The following BICRAL variants were observed in gnomAD, a reference collection of about 807,000 sequenced individuals.
BICRAL encodes the protein BRD4-interacting chromatin-remodeling complex-associated protein-like.
Under a neutral mutation model 91.8 loss-of-function variants are expected in BICRAL, and 8 were observed. The observed-to-expected ratio is 0.09, with a 90% CI of 0.05 to 0.16. The LOEUF (loss-of-function observed/expected upper bound fraction) is 0.16. Ranked by LOEUF, BICRAL falls within the 10% of genes least tolerant of loss-of-function variation. BICRAL has a pLI of 1.00. For missense variants in BICRAL, 1,038 were observed against 1,310.9 expected, an observed-to-expected ratio of 0.79 and a Z score of 3.21; for synonymous variants, 445 against 491.1, an observed-to-expected ratio of 0.91 and a Z score of 1.24.
At position 42,750,011 on chromosome 6, in the gene BICRAL, C is replaced by T. The variant is rs142834444; in HGVS notation, c.-261+2988C>T. On this transcript the variant is annotated intron_variant, in intron 1 of 14. Transcript: ENST00000614467. The stretch of plus-strand genomic sequence containing the variant: ...CTAGGATTACAGGTGCCCACCACCA[C>T]GCCCGGCTAATTTTTTTTAATATAT... Among the ~76,000 whole-genome samples, 3 of 151,924 alleles carry T rather than the reference C, an allele frequency of 2.0e-5. No homozygotes were observed. The East Asian group carries it at 5.8e-4, about 29-fold the overall frequency.
chr6:42,747,381 A>G (rs1562444251), intron 1 of BICRAL, among the ~76,000 whole-genome samples: 1 of 152,178 alleles, frequency 6.6e-6, no homozygotes, highest in African/African-American at 2.4e-5. Context: ...CCATCGTTTA[A>G]ATTGGGGTAT....
rs143471679 is a variant in BICRAL at position 42,751,941 on chromosome 6, G to A, written c.-261+4918G>A. ...CAAAGTGCTGGGATTACAGGCATGA[G>A]TCACCGCGCCCGGCCAAGCCCCTTT... On this transcript the variant is annotated intron_variant, in intron 1 of 14. Coordinates refer to the BICRAL transcript ENST00000614467. Among the ~76,000 whole-genome samples the A allele has an allele frequency of 8.8e-3, 1,333 of 151,612 alleles. 8 individuals carry two copies. Among genetic ancestry groups the A allele is most frequent in the Middle Eastern group, 0.017 (5 of 294 alleles).
At position 42,859,004 on chromosome 6, in the gene BICRAL, G is replaced by A. The variant is rs553388177; in HGVS notation, c.2255-1258G>A. Reference sequence around the variant, plus strand: ...TACAAGTCTTACTCCTCCTGGCAGGGACCTCTAATCTCAGGGCACAGTGGT... The same window carrying A: ...TACAAGTCTTACTCCTCCTGGCAGGAACCTCTAATCTCAGGGCACAGTGGT... On this transcript the variant is annotated intron_variant, in intron 10 of 12. Coordinates refer to ENST00000314073, the MANE Select transcript of BICRAL (RefSeq NM_001393499.1). Among the ~76,000 whole-genome samples the A allele has an allele frequency of 5.3e-5, 8 of 151,996 alleles. No homozygotes were observed. In the East Asian group the frequency reaches 1.6e-3, roughly 30 times the overall value.
intron 1 of BICRAL, among the ~76,000 whole-genome samples, chr6:42,784,843 A>G (rs1322181528): frequency 6.6e-6 from 1 of 152,032 alleles, no homozygotes; most frequent in African/African-American, 2.4e-5. Context: ...AGGCACTCCA[A>G]CTTCTTGATG....
At chr6:42,796,372 T>C (rs532445447) in intron 1 of BICRAL, among the ~76,000 whole-genome samples, 3 of 152,244 alleles carry the variant, frequency 2.0e-5, no homozygotes, top group African/African-American at 4.8e-5. Context: ...GCCTAAGATA[T>C]GAGCATGCAT....
chr6:42,821,365 T>C (rs1307421559), intron 2 of BICRAL, among the ~76,000 whole-genome samples: 1 of 152,024 alleles, frequency 6.6e-6, no homozygotes, highest in African/African-American at 2.4e-5. Flanking sequence ...GGTGAACTTT[T>C]TTGGTTGAGA....
chr6:42,829,083 T>C lies in BICRAL; in HGVS notation c.750T>C (p.Ser250=). The C allele has an allele frequency of 6.2e-7, 1 of 1,614,172 alleles. No individual in the cohort carries two copies. Residue 250 remains serine (S), a synonymous_variant, in exon 6 of 13, where the codon AGT becomes AGC. Transcript: ENST00000314073. ...GGCAGCAAGCCCCATCAAATGTGAG[T>C]GGAGGGCTCCTGGTTCATAGACAGA... ...GSGQQAPSNV[S]GGLLVHRQTP...
intron 1 of BICRAL, among the ~76,000 whole-genome samples, chr6:42,757,145 T>G (rs1762474463): frequency 6.6e-6 from 1 of 152,034 alleles, no homozygotes; most frequent in African/African-American, 2.4e-5. Flanking sequence ...AGAAATGGAC[T>G]GCTTTTTTTG....
chr6:42,769,767 T>C (rs1562452787), intron 1 of BICRAL, among the ~76,000 whole-genome samples: 1 of 152,214 alleles, frequency 6.6e-6, no homozygotes, highest in Admixed American at 6.5e-5. Flanking sequence ...CCTGTTTGTC[T>C]AGAATTTTTT....
chr6:42,832,746 A>C (rs572197570), intron 6 of BICRAL, among the ~76,000 whole-genome samples: 65 of 151,860 alleles, frequency 4.3e-4, no homozygotes, highest in East Asian at 3.7e-3. Flanking sequence ...CACACACACA[A>C]ACATACACAC....
chr6:42,747,178 G>C (rs1441331018), intron 1 of BICRAL, among the ~76,000 whole-genome samples: 1 of 152,206 alleles, frequency 6.6e-6, no homozygotes, highest in Non-Finnish European at 1.5e-5. Context: ...CGAGGTGTGG[G>C]TGGGCAGCCA....
intron 6 of BICRAL, among the ~76,000 whole-genome samples, chr6:42,846,323 G>A (rs1337747104): frequency 2.6e-5 from 4 of 151,918 alleles, no homozygotes; most frequent in Non-Finnish European, 5.9e-5. Flanking sequence ...AGCTGAGATC[G>A]CGCCATTGCA....
chr6:42,760,930 G>A (rs991314735), intron 1 of BICRAL, among the ~76,000 whole-genome samples: 2 of 151,718 alleles, frequency 1.3e-5, no homozygotes, highest in African/African-American at 2.4e-5. Context: ...GCTGAGGCAC[G>A]AGAATTGCTT....
intron 1 of BICRAL, among the ~76,000 whole-genome samples, chr6:42,764,114 C>T (rs369137442): frequency 1.1e-4 from 16 of 148,974 alleles, no homozygotes; most frequent in South Asian, 1.1e-3. Context: ...TGGTGGCACG[C>T]GCCTGTAGTC....
At chr6:42,763,575 C>T (rs549912306) in intron 1 of BICRAL, among the ~76,000 whole-genome samples, 10 of 152,242 alleles carry the variant, frequency 6.6e-5, no homozygotes, top group Admixed American at 5.9e-4. Flanking sequence ...AATTTCAGCA[C>T]TTTGGGAGGC....
intron 6 of BICRAL, among the ~76,000 whole-genome samples, chr6:42,850,888 G>A (rs1012892037): frequency 6.6e-6 from 1 of 150,852 alleles, no homozygotes; most frequent in Non-Finnish European, 1.5e-5. Flanking sequence ...AAAACTGAGG[G>A]TAATTTAAAA....
At position 42,829,499 on chromosome 6, in the gene BICRAL, C is replaced by T. The variant is rs1180283300; in HGVS notation, c.1166C>T (p.Ser389Phe). Residue 389 changes from serine to phenylalanine, a missense_variant, in exon 6 of 13, where the codon TCC becomes TTC. This residue lies in a region of BICRAL where 532 missense variants were observed against 724.9 expected (regional missense o/e 0.73). Coordinates refer to ENST00000314073, the MANE Select transcript of BICRAL (RefSeq NM_001393499.1). The part of the protein sequence containing the change: ...SSTGGSIVIH[S>F]PMGQPHAPQS... ...ACTGGGGGCAGTATTGTTATTCATT[C>T]CCCCATGGGCCAACCTCACGCACCC... 1 of 1,614,062 alleles carries T rather than the reference C, an allele frequency of 6.2e-7. No homozygotes were observed. Among genetic ancestry groups the T allele is most frequent in the Non-Finnish European group, 8.5e-7 (1 of 1,179,944 alleles).
At chr6:42,846,384 CAAT>C (rs1765011689) in intron 6 of BICRAL, among the ~76,000 whole-genome samples, 2 of 141,818 alleles carry the variant, frequency 1.4e-5, no homozygotes, top group Non-Finnish European at 3.0e-5. Context: ...ATAAAATAAA[CAAT>C]AAGTTAAATA....
chr6:42,817,752 TTGCCGTCCTTTGTTAAA>T (rs1480958479), intron 2 of BICRAL, among the ~76,000 whole-genome samples: 2 of 152,026 alleles, frequency 1.3e-5, no homozygotes, highest in Non-Finnish European at 2.9e-5. Context: ...ATCTAGGGTT[TTGCCGTCCTTTGTTAAA>T]ACCAATTAAT....
Sources: allele counts gnomAD v4.1 joint callset (sites outside exome capture counted in the v4.1 genomes callset), GRCh38; gene constraint gnomAD v4.1.1; regional missense constraint gnomAD v4.1.1; transcripts MANE v1.5; gene names NCBI Gene and HGNC (gene_info 2026-07-23, HGNC 2026-07-21).